Variants in LAT2 observed in about 807,000 individuals in gnomAD.
LAT2 encodes linker for activation of T cells family member 2.
LAT2 carries 23 observed loss-of-function variants against 43.4 expected under a neutral mutation model. The ratio of observed to expected loss-of-function variants is 0.53; its 90% CI spans 0.38 to 0.75. The LOEUF is 0.75. LAT2 is among the 30% of genes least tolerant of loss of function. LAT2 has a pLI of 0.00. For missense variants in LAT2, 284 were observed against 310.2 expected (o/e 0.92, Z 0.64); for synonymous variants, 128 against 123.2 (o/e 1.04, Z -0.26).
chr7:74,212,312 ACT>A (rs1801760681), intron 1 of LAT2, among the ~76,000 whole-genome samples: 1 of 150,268 alleles, frequency 6.7e-6, no homozygotes, highest in Non-Finnish European at 1.5e-5. Flanking sequence ...ATGGAGTCTC[ACT>A]CTGTCTCCCA....
chr7:74,216,997 T>C (rs1398690018), intron 4 of LAT2, 133 bp downstream of exon 4: 3 of 728,528 alleles, frequency 4.1e-6, no homozygotes, highest in Non-Finnish European at 7.2e-6. Flanking sequence ...AGTGGGTCCC[T>C]AGCCATCAGA....
intron 4 of LAT2, among the ~76,000 whole-genome samples, chr7:74,218,442 T>G (rs1357961822): frequency 6.6e-6 from 1 of 152,184 alleles, no homozygotes; most frequent in Non-Finnish European, 1.5e-5. Context: ...CTCCATTATC[T>G]GTAATGGCAG....
intron 9 of LAT2, 150 bp from the exon 10 acceptor site, chr7:74,221,487 G>T: frequency 2.0e-6 from 1 of 499,760 alleles, no homozygotes; most frequent in Non-Finnish European, 3.6e-6. Context: ...GTGGGGGTGG[G>T]GGAATCAGAG....
At chr7:74,212,471 AG>A (rs1801764731) in intron 1 of LAT2, among the ~76,000 whole-genome samples, 1 of 151,920 alleles carries the variant, frequency 6.6e-6, no homozygotes, top group African/African-American at 2.4e-5. Flanking sequence ...TAGTAGAAAC[AG>A]GGTTTCACCA....
intron 10 of LAT2, among the ~76,000 whole-genome samples, chr7:74,223,045 G>A (rs1325638712): frequency 5.3e-5 from 8 of 152,192 alleles, no homozygotes; most frequent in Admixed American, 5.2e-4. Context: ...GCCCTATCTG[G>A]AAGAGTCCAG....
chr7:74,213,617 G>A (rs1047252426), intron 1 of LAT2, among the ~76,000 whole-genome samples: 5 of 151,718 alleles, frequency 3.3e-5, no homozygotes, highest in Admixed American at 6.6e-5. Context: ...TAGAGATGGG[G>A]TTTCACCATG....
rs543118531 is a variant in LAT2 at position 74,218,531 on chromosome 7, GAAGA to G, written c.135-1207_135-1204del. ...CTCATCTCTGCATTCCCAGCAGCAGGAAGAAAGAATGAACAAGGATACAAAGGGT... is the reference window on the plus strand; with the variant it reads ...CTCATCTCTGCATTCCCAGCAGCAGGAAGAATGAACAAGGATACAAAGGGT... On this transcript the variant is annotated intron_variant, in intron 4 of 13. Coordinates refer to ENST00000460943, the MANE Select transcript of LAT2 (RefSeq NM_032464.3). Among the ~76,000 whole-genome samples, 263 of 152,306 alleles carry G rather than the reference GAAGA, an allele frequency of 1.7e-3. 2 individuals are homozygous for G. Among genetic ancestry groups the G allele is most frequent in the African/African-American group, 6.0e-3 (250 of 41,556 alleles).
At chr7:74,226,163 A>G (rs563533800) in intron 13 of LAT2, 1 of 148,772 alleles carries the variant, frequency 6.7e-6, no homozygotes, top group South Asian at 2.1e-4. Context: ...TTTTTGAGAC[A>G]GAGTATCACT....
rs782010812 is a variant in LAT2 at position 74,216,851 on chromosome 7, C to G, written c.121C>G (p.Gln41Glu). ...PGAKRSEKIY[Q>E]QRSLREDQQS... ...TGCAAAGAGGTCAGAGAAAATCTAC[C>G]AGCAGAGAAGTCTGTGAGTTGCCTC... Residue 41 changes from glutamine to glutamate, a missense_variant, in exon 4 of 14, where the codon CAG becomes GAG. Physicochemically the swap from Gln to Glu is conservative, Grantham distance 29. Transcript: ENST00000460943. 9 of 1,613,706 alleles carry G rather than the reference C, an allele frequency of 5.6e-6. No individual in the cohort carries two copies. The highest frequency in any genetic ancestry group is 5.1e-6 in the Non-Finnish European group (6 of 1,179,786).
In LAT2 at chr7:74,226,140, CTT is replaced by C. The variant is rs1268800892; in HGVS notation, c.*18+1396_*18+1397del. ...AGCAAGACCTCTCTCTCTACAAAAACTTTTTTTTTTTTTTTTTGAGACAGAGT... is the reference window on the plus strand; with the variant it reads ...AGCAAGACCTCTCTCTCTACAAAAACTTTTTTTTTTTTTTTGAGACAGAGT... On this transcript the variant is annotated intron_variant, in intron 13 of 13. Transcript: ENST00000460943. 1.4e-3 allele frequency: 188 copies of C among 138,672 alleles called. 1 individual carries two copies. Among genetic ancestry groups the C allele is most frequent in the Middle Eastern group, 3.8e-3 (1 of 260 alleles). 8.6% of individuals were successfully genotyped at this position (138,672 alleles called of 1,614,324 possible).
intron 13 of LAT2, among the ~76,000 whole-genome samples, chr7:74,226,871 C>G (rs909950280): frequency 3.1e-4 from 47 of 152,076 alleles, no homozygotes; most frequent in African/African-American, 1.1e-3. Context: ...GAGGGGACAA[C>G]AGAGGCCCCA....
chr7:74,216,653 G>A (rs1802058044), intron 3 of LAT2, among the ~76,000 whole-genome samples, 172 bp from the exon 4 acceptor site: 1 of 152,156 alleles, frequency 6.6e-6, no homozygotes, highest in Non-Finnish European at 1.5e-5. Flanking sequence ...ACAGGAGGGA[G>A]CCACCACACC....
At chr7:74,211,773 G>T (rs1801745536) in intron 1 of LAT2, among the ~76,000 whole-genome samples, 1 of 151,626 alleles carries the variant, frequency 6.6e-6, no homozygotes, top group African/African-American at 2.4e-5. Context: ...TTTATTTTTA[G>T]TAGAGACAGG....
chr7:74,224,407 G>A (rs929368658), intron 12 of LAT2, among the ~76,000 whole-genome samples: 7 of 152,192 alleles, frequency 4.6e-5, no homozygotes, highest in South Asian at 2.1e-4. Flanking sequence ...AGGTCCTCCC[G>A]GGCAGGCCGC....
intron 1 of LAT2, among the ~76,000 whole-genome samples, chr7:74,214,559 A>T (rs868988671): frequency 0.021 from 47 of 2,254 alleles, 13 homozygotes; most frequent in South Asian, 0.083. Context: ...TATATATGAA[A>T]ATATATATAT....
At chr7:74,222,763 C>G in intron 10 of LAT2, among the ~76,000 whole-genome samples, 1 of 152,078 alleles carries the variant, frequency 6.6e-6, no homozygotes, top group Non-Finnish European at 1.5e-5. Flanking sequence ...TTAGTAGAGA[C>G]AGGGTTTCAC....
At chr7:74,216,139 C>A in intron 3 of LAT2, 70 bp downstream of exon 3, 2 of 1,312,300 alleles carry the variant, frequency 1.5e-6, no homozygotes, top group African/African-American at 1.5e-5. Flanking sequence ...CCTCTCAGGC[C>A]CAGACGTGGC....
chr7:74,223,849 T>G (rs1802383648), intron 11 of LAT2, 66 bp downstream of exon 11: 1 of 1,544,504 alleles, frequency 6.5e-7, no homozygotes, highest in African/African-American at 1.4e-5. Flanking sequence ...CAGGTGCCCC[T>G]GCACTCCCCA....
chr7:74,214,405 A>C (rs184212545), intron 1 of LAT2, among the ~76,000 whole-genome samples: 1,588 of 39,354 alleles, frequency 0.04, 148 homozygotes, highest in South Asian at 0.045. Context: ...TATATATGAA[A>C]ATATATATAT....
Sources: allele counts gnomAD v4.1 joint callset (sites outside exome capture counted in the v4.1 genomes callset), GRCh38; gene constraint gnomAD v4.1.1; transcripts MANE v1.5; gene names NCBI Gene and HGNC (gene_info 2026-07-23, HGNC 2026-07-21).